ANO2: variants seen among roughly 807,000 people sequenced by gnomAD.
The protein encoded by ANO2 is anoctamin-2.
Under a neutral mutation model 124.2 loss-of-function variants are expected in ANO2, and 101 were observed. The ratio of observed to expected loss-of-function variants is 0.81; its 90% CI spans 0.69 to 0.96. The LOEUF is 0.96. Among genes scored for constraint, ANO2 ranks in the 40% least tolerant of loss-of-function variants. The probability of loss-of-function intolerance (pLI) is 0.00; values close to 1 mark genes in which losing one functional copy is unlikely to be tolerated. For synonymous variants in ANO2, 486 were observed against 482.5 expected (o/e 1.01, Z -0.09); for missense variants, 1,293 against 1,274.5 (o/e 1.01, Z -0.22).
intron 20 of ANO2, among the ~76,000 whole-genome samples, chr12:5,582,345 C>T (rs1429768071): frequency 6.6e-6 from 1 of 152,228 alleles, no homozygotes. Context: ...TCTCTTCTCA[C>T]CCTTCAGCAG....
rs1244410130 is a variant in ANO2 at position 5,925,865 on chromosome 12, C to T, written c.23-3061G>A. Among the ~76,000 whole-genome samples, 1 of 152,230 alleles carries T rather than the reference C, an allele frequency of 6.6e-6. No homozygotes were observed. Among genetic ancestry groups the T allele is most frequent in the African/African-American group, 2.4e-5 (1 of 41,470 alleles). On this transcript the variant is annotated intron_variant, in intron 1 of 24. Transcript: ENST00000682330. The surrounding 1 kb of genome is among the most constrained non-coding windows in gnomAD (Gnocchi z 4.6). ...AGGCTGGGGCCTGGGCCTTTCTCCA[C>T]GTTCCAGCTCTCTCCCTGGGCACTC...
intron 20 of ANO2, among the ~76,000 whole-genome samples, chr12:5,597,739 C>T (rs1014617786): frequency 1.3e-5 from 2 of 152,134 alleles, no homozygotes; most frequent in African/African-American, 4.8e-5. Flanking sequence ...GGCCCTTCCC[C>T]AAATGGAAGT....
At position 5,935,699 on chromosome 12, in the gene ANO2, T is replaced by C. The variant is rs1293979063; in HGVS notation, c.22+9497A>G. Among the ~76,000 whole-genome samples the C allele has an allele frequency of 3.3e-5, 5 of 152,332 alleles. No homozygotes were observed. The East Asian group carries it at 9.7e-4, about 29-fold the overall frequency. On this transcript the variant is annotated intron_variant, in intron 1 of 24. Coordinates refer to ENST00000682330, the MANE Select transcript of ANO2 (RefSeq NM_001364791.2). ...GTCATGGGAAGCCAGACTTAAAATA[T>C]TAGGATTCCGCAACTGGAAAAAGAC... is the stretch of plus-strand genomic sequence containing the variant.
In ANO2 at chr12:5,563,537, T is replaced by G; in HGVS notation, c.2759A>C (p.Asp920Ala). 2.5e-6 allele frequency: 4 copies of G among 1,613,980 alleles called. No homozygotes were observed. The highest frequency in any genetic ancestry group is 3.4e-6 in the Non-Finnish European group (4 of 1,179,888). ...NLVMFLSVLV[D>A]WMIPDIPTDI... ...CGTGGGGATGTCTGGAATCATCCAGTCCACGAGGACGCTCAGGAACATCAC... is the reference window on the plus strand; with the variant it reads ...CGTGGGGATGTCTGGAATCATCCAGGCCACGAGGACGCTCAGGAACATCAC... The change falls in exon 25 of 25, where the codon GAC becomes GCC. Residue 920 changes from aspartate to alanine, a missense_variant. Asp to Ala is a moderately radical substitution (Grantham distance 126). Coordinates refer to ENST00000682330, the MANE Select transcript of ANO2 (RefSeq NM_001364791.2).
chr12:5,644,883 T>C (rs1946550807), intron 15 of ANO2, among the ~76,000 whole-genome samples: 1 of 152,242 alleles, frequency 6.6e-6, no homozygotes, highest in African/African-American at 2.4e-5. Context: ...AGAGGGCATT[T>C]CATTGTATTC....
At chr12:5,939,213 CAAAAAAAA>C in intron 1 of ANO2, among the ~76,000 whole-genome samples, 1 of 86,194 alleles carries the variant, frequency 1.2e-5, no homozygotes, top group Admixed American at 1.6e-4. Context: ...AAGACTCCAA[CAAAAAAAA>C]AAAAAAAAAA....
At chr12:5,700,836 C>G (rs184767915) in intron 14 of ANO2, among the ~76,000 whole-genome samples, 1 of 152,298 alleles carries the variant, frequency 6.6e-6, no homozygotes, top group East Asian at 1.9e-4. Flanking sequence ...CTCCTCACGT[C>G]TGTTTGATCC....
chr12:5,737,271 G>A (rs1185114478), intron 13 of ANO2, among the ~76,000 whole-genome samples: 1 of 152,230 alleles, frequency 6.6e-6, no homozygotes, highest in Non-Finnish European at 1.5e-5. Flanking sequence ...CTTAGGCCCT[G>A]GGTAAACCCA....
intron 4 of ANO2, among the ~76,000 whole-genome samples, chr12:5,847,369 G>T (rs1308341027): frequency 1.3e-5 from 2 of 152,004 alleles, no homozygotes; most frequent in African/African-American, 4.8e-5. Flanking sequence ...GCTCTCCTGG[G>T]TCTCCATCGC....
intron 7 of ANO2, among the ~76,000 whole-genome samples, chr12:5,820,118 G>A (rs1231262531): frequency 6.6e-6 from 1 of 152,180 alleles, no homozygotes; most frequent in Non-Finnish European, 1.5e-5. Flanking sequence ...CCGGACTTGA[G>A]CCAGTTTACA....
chr12:5,778,280 A>T (rs1019210470), intron 10 of ANO2, among the ~76,000 whole-genome samples: 2 of 152,250 alleles, frequency 1.3e-5, no homozygotes, highest in African/African-American at 4.8e-5. Flanking sequence ...CAGAGAAGTT[A>T]AATGAGTATT....
intron 14 of ANO2, among the ~76,000 whole-genome samples, chr12:5,648,322 C>T (rs904809085): frequency 6.6e-6 from 1 of 152,180 alleles, no homozygotes; most frequent in Non-Finnish European, 1.5e-5. Context: ...AGAGCCTAAT[C>T]GTTGTGCAAA....
intron 3 of ANO2, among the ~76,000 whole-genome samples, chr12:5,915,353 T>C (rs1941318728): frequency 6.6e-6 from 1 of 152,198 alleles, no homozygotes; most frequent in South Asian, 2.1e-4. Context: ...CATGGAAATA[T>C]GCACAAAAAA....
At chr12:5,719,812 T>A (rs954701665) in intron 14 of ANO2, among the ~76,000 whole-genome samples, 1 of 152,146 alleles carries the variant, frequency 6.6e-6, no homozygotes, top group African/African-American at 2.4e-5. Flanking sequence ...GCTCCCAGAA[T>A]TCCCAGGAGA....
chr12:5,566,027 G>C lies in ANO2; in HGVS notation c.2622-364C>G, dbSNP rs1447943375. Among the ~76,000 whole-genome samples, 3 of 152,198 alleles carry C rather than the reference G, an allele frequency of 2.0e-5. No individual in the cohort carries two copies. In the South Asian group the frequency reaches 6.2e-4, roughly 32 times the overall value. On this transcript the variant is annotated intron_variant, in intron 23 of 24. Coordinates refer to ENST00000682330, the MANE Select transcript of ANO2 (RefSeq NM_001364791.2). ...CCTCCCACTAGCCTGTGGCCTCTGTGTGGGTAGGGGAGACCCAGACACCCT... is the reference window on the plus strand; with the variant it reads ...CCTCCCACTAGCCTGTGGCCTCTGTCTGGGTAGGGGAGACCCAGACACCCT...
intron 10 of ANO2, among the ~76,000 whole-genome samples, chr12:5,773,236 AT>A (rs1365987688): frequency 1.3e-5 from 2 of 152,028 alleles, no homozygotes; most frequent in South Asian, 2.1e-4. Context: ...TTGCTTCCCC[AT>A]TTTTTGTTGA....
chr12:5,922,735 G>A lies in ANO2; in HGVS notation c.92C>T (p.Pro31Leu). The A allele has an allele frequency of 6.2e-7, 1 of 1,600,790 alleles. No individual in the cohort carries two copies. Among genetic ancestry groups the A allele is most frequent in the Non-Finnish European group, 8.5e-7 (1 of 1,174,720 alleles). Residue 31 changes from proline to leucine, a missense_variant, in exon 2 of 25, where the codon CCC becomes CTC. Pro to Leu is a moderately conservative substitution (Grantham distance 98). Coordinates refer to ENST00000682330, the MANE Select transcript of ANO2 (RefSeq NM_001364791.2). ...PQAGSRGGQG[P>L]KHGQQCLKMP... ...CTTGAGACACTGCTGTCCATGTTTG[G>A]GGCCCTGGCCCCCTCTGGACCCTGC...
rs560926430 is a variant in ANO2, at chr12:5,800,979, G to T, written c.991-1408C>A. 1.4e-4 allele frequency among the ~76,000 whole-genome samples: 22 copies of T among 152,310 alleles called. 1 individual carries two copies. The South Asian group carries it at 3.9e-3, about 27-fold the overall frequency. On this transcript the variant is annotated intron_variant, in intron 9 of 24. Transcript: ENST00000682330. ...GGTGATGAAGAATGAGTAAAGGAGA[G>T]AGAAGGAGAGGCCCAGTGATGTGGA...
intron 16 of ANO2, among the ~76,000 whole-genome samples, chr12:5,630,704 A>G (rs150940367): frequency 4.7e-4 from 72 of 152,354 alleles, no homozygotes; most frequent in African/African-American, 1.6e-3. Flanking sequence ...GCATTGACAA[A>G]AATGTGCTAA....
Sources: allele counts gnomAD v4.1 joint callset (sites outside exome capture counted in the v4.1 genomes callset), GRCh38; gene constraint gnomAD v4.1.1; non-coding constraint Gnocchi (gnomAD v3.1); transcripts MANE v1.5; gene names NCBI Gene and HGNC (gene_info 2026-07-23, HGNC 2026-07-21).